Variants in CARMIL1 observed in about 807,000 individuals in gnomAD.
CARMIL1 encodes the protein F-actin-uncapping protein LRRC16A.
In CARMIL1, 90 loss-of-function variants were observed where a neutral mutation model predicts 177.1. That is an observed-to-expected ratio of 0.51 (90% CI 0.43 to 0.61). CARMIL1 has a LOEUF of 0.61. Among genes scored for constraint, CARMIL1 ranks in the 20% least tolerant of loss-of-function variants. The pLI is 0.00. For missense variants in CARMIL1, 1,380 were observed against 1,667.0 expected, an observed-to-expected ratio of 0.83 and a Z score of 3.00; for synonymous variants, 577 against 606.2, an observed-to-expected ratio of 0.95 and a Z score of 0.71.
chr6:25,337,207 G>A (rs1452584271), intron 2 of CARMIL1, among the ~76,000 whole-genome samples: 1 of 152,156 alleles, frequency 6.6e-6, no homozygotes, highest in East Asian at 1.9e-4. Flanking sequence ...CTCCTTGTAA[G>A]TTAATAAGTA....
At chr6:25,451,988 C>CCT in intron 8 of CARMIL1, 1 of 68,728 alleles carries the variant, frequency 1.5e-5, no homozygotes, top group Non-Finnish European at 3.0e-5. Flanking sequence ...AGCATCTTGC[C>CCT]CCCCCCTCCC....
At chr6:25,416,923 G>A (rs1350001632) in intron 2 of CARMIL1, among the ~76,000 whole-genome samples, 1 of 152,164 alleles carries the variant, frequency 6.6e-6, no homozygotes, top group Non-Finnish European at 1.5e-5. Context: ...TGGAAAGATT[G>A]GGGATTGATC....
intron 2 of CARMIL1, among the ~76,000 whole-genome samples, chr6:25,384,588 C>T (rs1447837657): frequency 2.0e-5 from 3 of 152,238 alleles, no homozygotes; most frequent in Non-Finnish European, 4.4e-5. Flanking sequence ...CCACATGGCA[C>T]TGTATGGACA....
chr6:25,289,362 G>T (rs2150138855), intron 2 of CARMIL1, among the ~76,000 whole-genome samples: 1 of 152,248 alleles, frequency 6.6e-6, no homozygotes, highest in East Asian at 1.9e-4. Flanking sequence ...TGTAAAAAAT[G>T]TATTTTAACT....
chr6:25,502,819 C>G (rs1294556032), intron 17 of CARMIL1, among the ~76,000 whole-genome samples: 1 of 152,180 alleles, frequency 6.6e-6, no homozygotes, highest in South Asian at 2.1e-4. Flanking sequence ...ACTCTGTCCT[C>G]ATTCTCTTTT....
intron 4 of CARMIL1, among the ~76,000 whole-genome samples, chr6:25,430,515 C>T (rs1477710529): frequency 2.0e-5 from 3 of 151,022 alleles, no homozygotes; most frequent in African/African-American, 4.9e-5. Context: ...TGGCAACCTT[C>T]GCTTCTCGGG....
chr6:25,432,423 T>C (rs921370206), intron 4 of CARMIL1, among the ~76,000 whole-genome samples: 1 of 152,198 alleles, frequency 6.6e-6, no homozygotes, highest in African/African-American at 2.4e-5. Flanking sequence ...AGTGAGTGAT[T>C]GCTCTATTGA....
rs923616376 is a variant in CARMIL1, at chr6:25,446,984, T to C, written c.372-2914T>C. 5.3e-5 allele frequency among the ~76,000 whole-genome samples: 8 copies of C among 152,072 alleles called. 1 individual carries two copies. Among genetic ancestry groups the C allele is most frequent in the Non-Finnish European group, 1.2e-4 (8 of 68,020 alleles). On this transcript the variant is annotated intron_variant, in intron 5 of 36. Transcript: ENST00000329474. ...TGTCTTATATGGGTGTGATTCATGG[T>C]CCCCCAAAATAGTTACAATAGTAAC...
At chr6:25,429,472 C>T (rs747447785) in intron 4 of CARMIL1, among the ~76,000 whole-genome samples, 4 of 152,198 alleles carry the variant, frequency 2.6e-5, no homozygotes, top group Non-Finnish European at 4.4e-5. Context: ...AAACTCAGAA[C>T]TTGGCAATTG....
intron 2 of CARMIL1, 46 bp downstream of exon 2, chr6:25,284,955 G>T: frequency 3.4e-6 from 4 of 1,187,084 alleles, no homozygotes; most frequent in Non-Finnish European, 3.7e-6. Context: ...AAATGAAAGT[G>T]TGTTTTCATT....
intron 12 of CARMIL1, among the ~76,000 whole-genome samples, chr6:25,484,936 TGAG>T (rs1802476657): frequency 6.6e-6 from 1 of 152,030 alleles, no homozygotes; most frequent in Admixed American, 6.6e-5. Context: ...CCCAGGAGGC[TGAG>T]GTGGGAGGAT....
chr6:25,603,137 G>A (rs1815599468), intron 33 of CARMIL1, among the ~76,000 whole-genome samples: 1 of 152,214 alleles, frequency 6.6e-6, no homozygotes, highest in Non-Finnish European at 1.5e-5. Context: ...AGAATTTAAG[G>A]AGGTCCTCAC....
intron 18 of CARMIL1, 41 bp from the exon 19 acceptor site, chr6:25,510,466 C>T (rs1443380311): frequency 1.7e-6 from 2 of 1,168,112 alleles, no homozygotes; most frequent in Non-Finnish European, 2.4e-6. Context: ...TTAATTTATA[C>T]ACATGTGTTT....
At chr6:25,608,017 G>A (rs534766684) in intron 35 of CARMIL1, among the ~76,000 whole-genome samples, 64 of 152,284 alleles carry the variant, frequency 4.2e-4, no homozygotes, top group African/African-American at 1.5e-3. Context: ...GAGAATGGAG[G>A]CAAAGAAAAT....
chr6:25,426,431 C>A, intron 3 of CARMIL1, 70 bp from the exon 4 acceptor site: 43 of 1,021,770 alleles, frequency 4.2e-5, no homozygotes, highest in Non-Finnish European at 5.7e-5. Flanking sequence ...TTTTTTTTTA[C>A]CTTAAGTTAT....
At chr6:25,420,556 C>T (rs1795764859) in intron 3 of CARMIL1, among the ~76,000 whole-genome samples, 1 of 96,118 alleles carries the variant, frequency 1.0e-5, no homozygotes, top group African/African-American at 4.0e-5. Flanking sequence ...CTTCTTATTT[C>T]CTTCGGTGAT....
At position 25,554,365 on chromosome 6, in the gene CARMIL1, T is replaced by A. The variant is rs1810420460; in HGVS notation, c.2592+269T>A. On this transcript the variant is annotated intron_variant, in intron 28 of 36. Transcript: ENST00000329474. This position sits in a 1 kb window ranked among gnomAD's most constrained non-coding sequence, Gnocchi z 4.6. ...TTCATTTATTATAAAGGTCAAAAGC[T>A]TGGGGAAGAAATGTTGAGACTGAAG... Among the ~76,000 whole-genome samples the A allele has an allele frequency of 6.6e-6, 1 of 152,204 alleles. No individual in the cohort carries two copies. The highest frequency in any genetic ancestry group is 1.5e-5 in the Non-Finnish European group (1 of 68,044).
intron 27 of CARMIL1, among the ~76,000 whole-genome samples, chr6:25,551,635 G>A (rs540391406): frequency 1.6e-4 from 25 of 152,280 alleles, no homozygotes; most frequent in Non-Finnish European, 3.1e-4. Flanking sequence ...TTTAGAAGCC[G>A]TGATTACTGG....
Position 25,305,158 on chromosome 6 carries a change from A to G in CARMIL1, c.138+20249A>G, listed in dbSNP as rs187580351. Among the ~76,000 whole-genome samples, 436 of 152,324 alleles carry G rather than the reference A, an allele frequency of 2.9e-3. 1 individual carries two copies. Among genetic ancestry groups the G allele is most frequent in the Non-Finnish European group, 5.0e-3 (337 of 68,034 alleles). ...TGTTTGCTTGTCTCTTTGGGGGCAG[A>G]TACACGGGCATTTAAAGAGCCATTC... On this transcript the variant is annotated intron_variant, in intron 2 of 36. Coordinates refer to ENST00000329474, the MANE Select transcript of CARMIL1 (RefSeq NM_017640.6).
Sources: gnomAD v4.1 joint callset for allele counts (sites outside exome capture counted in the v4.1 genomes callset) on GRCh38, gnomAD v4.1.1 for gene constraint, Gnocchi (gnomAD v3.1) non-coding constraint, MANE v1.5 for transcripts, NCBI Gene and HGNC (gene_info 2026-07-23, HGNC 2026-07-21) for gene names.